Variants in RIIAD1 observed in about 807,000 individuals in gnomAD.
RIIAD1 encodes RIIa domain-containing protein 1.
Under a neutral mutation model 13.3 loss-of-function variants are expected in RIIAD1, and 15 were observed. The observed-to-expected ratio is 1.13, with a 90% CI of 0.76 to 1.74. The LOEUF (loss-of-function observed/expected upper bound fraction) is 1.74, where lower values mean the gene tolerates loss of function less well. Ranked by LOEUF, RIIAD1 falls within the 40% of genes most tolerant of loss-of-function variation. RIIAD1 has a pLI of 0.00. For synonymous variants in RIIAD1, 50 were observed against 43.3 expected (o/e 1.16, Z -0.61); for missense variants, 121 against 112.2 (o/e 1.08, Z -0.35).
At chr1:151,720,213 G>C (rs190881875), upstream of RIIAD1, among the ~76,000 whole-genome samples, 1 of 152,130 alleles carries the variant, frequency 6.6e-6, no homozygotes, top group East Asian at 1.9e-4. Flanking sequence ...AAGAGCCACA[G>C]GTGGCTTGTG....
At position 151,729,803 on chromosome 1, in the gene RIIAD1, A is replaced by G. The variant is rs1056184302; in HGVS notation, c.*373A>G. ...CGGGGGCACAGAAACAAGCAAGTCC[A>G]TGCTTCAGCTGTGGTTTTGTTTTCT... On this transcript the variant is annotated 3_prime_UTR_variant, in exon 5 of 5. Transcript: ENST00000479191. 2 of 152,220 alleles carry G rather than the reference A, an allele frequency of 1.3e-5. No homozygotes were observed. Among genetic ancestry groups the G allele is most frequent in the Non-Finnish European group, 2.9e-5 (2 of 68,042 alleles). 9.4% of individuals were successfully genotyped at this position (152,220 alleles called of 1,614,324 possible).
chr1:151,717,134 G>A (rs1235599237), upstream of RIIAD1, among the ~76,000 whole-genome samples: 8 of 152,116 alleles, frequency 5.3e-5, no homozygotes, highest in Non-Finnish European at 7.4e-5. Flanking sequence ...CTCAGCAGAT[G>A]GGGGGTGGCG....
chr1:151,721,692 G>C (rs1673739071), intron 1 of RIIAD1, 72 bp downstream of exon 1: 1 of 882,784 alleles, frequency 1.1e-6, no homozygotes, highest in African/African-American at 1.8e-5. Context: ...CCCAGACTGG[G>C]AAGAGAGCCG....
At chr1:151,721,654 CAA>C (rs1275123147) in intron 1 of RIIAD1, 34 bp downstream of exon 1, 1 of 1,224,080 alleles carries the variant, frequency 8.2e-7, no homozygotes, top group South Asian at 2.4e-5. Context: ...CAGCGTCCAC[CAA>C]AGTGTAGCTG....
At chr1:151,713,502 A>T (rs966636019) in exon 3 of RIIAD1, 2 of 152,234 alleles carry the variant, frequency 1.3e-5, no homozygotes, top group African/African-American at 4.8e-5. Context: ...AGAAAAAGAC[A>T]AACAGCGATG....
At chr1:151,721,937 G>GT (rs1469518772) in intron 1 of RIIAD1, 149 bp from the exon 2 acceptor site, 2 of 636,452 alleles carry the variant, frequency 3.1e-6, no homozygotes, top group South Asian at 1.9e-5. Context: ...TATTTTATCT[G>GT]TAAGAAGATG....
intron 4 of RIIAD1, chr1:151,714,751 C>T: frequency 9.5e-7 from 1 of 1,047,840 alleles, no homozygotes; most frequent in Non-Finnish European, 1.4e-6. Flanking sequence ...GGCTCCCTTC[C>T]AAAGACTGAC....
chr1:151,712,513 C>G (rs1193314668), intron 2 of RIIAD1, among the ~76,000 whole-genome samples: 1 of 152,178 alleles, frequency 6.6e-6, no homozygotes, highest in Non-Finnish European at 1.5e-5. Flanking sequence ...CCCATGTCCC[C>G]CAAGTGGGAT....
chr1:151,714,620 G>C (rs1353109976), intron 4 of RIIAD1: 2 of 1,559,386 alleles, frequency 1.3e-6, no homozygotes, highest in Non-Finnish European at 1.7e-6. Flanking sequence ...TGTTCGTGCA[G>C]GGCGCTCTGG....
upstream of RIIAD1, among the ~76,000 whole-genome samples, chr1:151,717,011 A>G (rs1673536089): frequency 6.6e-6 from 1 of 151,748 alleles, no homozygotes; most frequent in African/African-American, 2.4e-5. Context: ...CCCTTCCCCC[A>G]TCTTACTCCC....
intron 1 of RIIAD1, chr1:151,711,786 T>C (rs3762302): frequency 0.063 from 9,619 of 152,334 alleles, 804 homozygotes; most frequent in East Asian, 0.38. Context: ...GGGGGATTCT[T>C]ACGCTTGGCG....
chr1:151,715,534 A>G, intron 4 of RIIAD1: 2 of 1,064,182 alleles, frequency 1.9e-6, no homozygotes, highest in South Asian at 1.3e-5. Flanking sequence ...ACACACACAC[A>G]CACCCCTACC....
chr1:151,719,577 C>A (rs1417358789), upstream of RIIAD1: 1 of 701,298 alleles, frequency 1.4e-6, no homozygotes, highest in South Asian at 1.5e-5. Context: ...TACTTACTGG[C>A]TTCCCTGATT....
chr1:151,716,306 TG>T, intron 4 of RIIAD1: 1 of 404,984 alleles, frequency 2.5e-6, no homozygotes, highest in South Asian at 4.2e-5. Flanking sequence ...TGTCCCAGGA[TG>T]GGGGTGAGTA....
chr1:151,718,716 G>A (rs1009815474), upstream of RIIAD1, among the ~76,000 whole-genome samples: 7 of 152,192 alleles, frequency 4.6e-5, no homozygotes, highest in South Asian at 2.1e-4. Flanking sequence ...GGCAGTGGGG[G>A]GAGGTGCTAG....
chr1:151,712,828 AG>A (rs1167316297), intron 2 of RIIAD1, among the ~76,000 whole-genome samples: 1 of 152,138 alleles, frequency 6.6e-6, no homozygotes, highest in Non-Finnish European at 1.5e-5. Context: ...AAAAACCTGC[AG>A]TAGGAAGGCA....
At chr1:151,712,850 A>G (rs77186618) in intron 2 of RIIAD1, among the ~76,000 whole-genome samples, 5,011 of 152,166 alleles carry the variant, frequency 0.033, 267 homozygotes, top group African/African-American at 0.11. Flanking sequence ...TGGAGATTAA[A>G]CAGTAGGAAG....
intron 4 of RIIAD1, chr1:151,715,950 T>C: frequency 6.2e-7 from 1 of 1,614,184 alleles, no homozygotes; most frequent in Non-Finnish European, 8.5e-7. Context: ...GAAGATGGGC[T>C]TCAGGTCCTT....
upstream of RIIAD1, among the ~76,000 whole-genome samples, chr1:151,719,098 G>C (rs548383505): frequency 1.7e-4 from 26 of 152,340 alleles, no homozygotes; most frequent in East Asian, 5.0e-3. Context: ...GACAGCTGCA[G>C]ACAGCAAAAT....
Sources: gnomAD v4.1 joint callset for allele counts (sites outside exome capture counted in the v4.1 genomes callset) on GRCh38, gnomAD v4.1.1 for gene constraint, MANE v1.5 for transcripts, NCBI Gene and HGNC (gene_info 2026-07-23, HGNC 2026-07-21) for gene names.